The following HSD17B4 variants were observed in gnomAD, a reference collection of about 807,000 sequenced individuals.
HSD17B4 encodes hydroxysteroid 17-beta dehydrogenase 4.
In HSD17B4, 70 loss-of-function variants were observed where a neutral mutation model predicts 101.0. The observed-to-expected ratio is 0.69, with a 90% CI of 0.57 to 0.85. The LOEUF (loss-of-function observed/expected upper bound fraction) is 0.85, where lower values mean the gene tolerates loss of function less well. Among genes scored for constraint, HSD17B4 ranks in the 40% least tolerant of loss-of-function variants. HSD17B4 has a pLI of 0.00. For synonymous variants in HSD17B4, 347 were observed against 297.1 expected, an observed-to-expected ratio of 1.17 and a Z score of -1.73; for missense variants, 984 against 892.4, an observed-to-expected ratio of 1.10 and a Z score of -1.31.
chr5:119,541,519 A>G (rs1360174934), intron 23 of HSD17B4, among the ~76,000 whole-genome samples: 1 of 152,184 alleles, frequency 6.6e-6, no homozygotes, highest in Non-Finnish European at 1.5e-5. Context: ...AAACTGTAGT[A>G]AATATTTTAA....
intron 23 of HSD17B4, 57 bp from the exon 24 acceptor site, chr5:119,541,848 A>T: frequency 3.9e-6 from 4 of 1,037,298 alleles, no homozygotes; most frequent in Admixed American, 1.9e-5. Flanking sequence ...AAAAAAAAAA[A>T]GAAATAAACT....
intron 1 of HSD17B4, among the ~76,000 whole-genome samples, chr5:119,453,204 C>G (rs1477633409): frequency 1.3e-5 from 2 of 152,200 alleles, no homozygotes; most frequent in Admixed American, 6.5e-5. Flanking sequence ...AAGTCACAAT[C>G]TGTTCTCGAA....
At chr5:119,504,764 C>T (rs1230675939) in intron 14 of HSD17B4, among the ~76,000 whole-genome samples, 1 of 151,892 alleles carries the variant, frequency 6.6e-6, no homozygotes, top group African/African-American at 2.4e-5. Flanking sequence ...TTAGGTCCTA[C>T]TTGTTAATCT....
chr5:119,457,469 A>C (rs1372992682), intron 2 of HSD17B4, among the ~76,000 whole-genome samples: 1 of 152,206 alleles, frequency 6.6e-6, no homozygotes, highest in Admixed American at 6.5e-5. Flanking sequence ...TGGAAGGAAC[A>C]CTGACGCTTT....
chr5:119,524,191 G>A (rs565999802), intron 17 of HSD17B4, among the ~76,000 whole-genome samples: 5 of 152,108 alleles, frequency 3.3e-5, no homozygotes, highest in African/African-American at 1.2e-4. Context: ...CATTGGGAAA[G>A]TAAATAATCT....
rs1755030792 is a variant in HSD17B4 at position 119,541,939 on chromosome 5, A to C, written c.2156A>C (p.Asn719Thr). Residue 719 changes from asparagine to threonine, a missense_variant, in exon 24 of 24, where the codon AAC becomes ACC. Transcript: ENST00000510025. ...FFSGRLKARG[N>T]IMLSQKLQMI... ...AGTGGCAGGCTGAAGGCCAGAGGGA[A>C]CATCATGCTGAGCCAGAAACTTCAG... The C allele has an allele frequency of 1.9e-6, 3 of 1,613,282 alleles. No individual in the cohort carries two copies. The highest frequency in any genetic ancestry group is 2.5e-6 in the Non-Finnish European group (3 of 1,179,502).
At chr5:119,485,567 A>T (rs1231065296) in intron 8 of HSD17B4, among the ~76,000 whole-genome samples, 12 of 152,064 alleles carry the variant, frequency 7.9e-5, no homozygotes, top group African/African-American at 2.7e-4. Flanking sequence ...ATAGTTTAGA[A>T]TATCTGAAAA....
At position 119,477,512 on chromosome 5, in the gene HSD17B4, A is replaced by C; in HGVS notation, c.434+11A>C. 6.3e-7 allele frequency: 1 copy of C among 1,592,700 alleles called. No individual in the cohort carries two copies. Among genetic ancestry groups the C allele is most frequent in the Non-Finnish European group, 8.6e-7 (1 of 1,160,628 alleles). On this transcript the variant is annotated intron_variant, in intron 7 of 23. Transcript: ENST00000510025. ...ACAGAAGTATGGAAGGTAGAGTTGC[A>C]TGTGGTTGTCAAGGGGGATTTAAGA...
At chr5:119,533,776 A>G (rs574927465) in intron 22 of HSD17B4, among the ~76,000 whole-genome samples, 6 of 152,246 alleles carry the variant, frequency 3.9e-5, no homozygotes, top group African/African-American at 1.4e-4. Context: ...CGTTGGCTTC[A>G]TTCACCACCT....
At chr5:119,522,051 A>G (rs1446015583) in intron 17 of HSD17B4, among the ~76,000 whole-genome samples, 3 of 151,940 alleles carry the variant, frequency 2.0e-5, no homozygotes, top group Non-Finnish European at 4.4e-5. Context: ...CTCGTCATTT[A>G]CGTTAGGTAT....
chr5:119,526,700 A>T (rs1250761690), intron 19 of HSD17B4, among the ~76,000 whole-genome samples: 1 of 151,976 alleles, frequency 6.6e-6, no homozygotes, highest in Non-Finnish European at 1.5e-5. Context: ...TTATCCAGTA[A>T]TATATACACA....
Position 119,492,147 on chromosome 5 carries a change from T to C in HSD17B4, c.739+23T>C, listed in dbSNP as rs6895345. On this transcript the variant is annotated intron_variant, in intron 10 of 23. Coordinates refer to ENST00000510025, the MANE Select transcript of HSD17B4 (RefSeq NM_000414.4). ...AATGTAAGTCTCTCTCAGTTTTTGG[T>C]TTGTATAGATTATTTCCTTATCTTT... 0.031 allele frequency: 49,321 copies of C among 1,578,892 alleles called. 5,910 individuals carry two copies. In the East Asian group the frequency reaches 0.46, roughly 15 times the overall value.
In HSD17B4 at chr5:119,474,480, T is replaced by C. The variant is rs771426083; in HGVS notation, c.280+20T>C. ...GAATAGGTGATGTTTCTTTGTGTTA[T>C]GGCTCTTGTGGAGCAACTTCTACCT... On this transcript the variant is annotated intron_variant, in intron 4 of 23. Transcript: ENST00000510025. 7.3e-6 allele frequency: 11 copies of C among 1,512,598 alleles called. No homozygotes were observed. The highest frequency in any genetic ancestry group is 1.4e-5 in the African/African-American group (1 of 72,892). The allele number at this position is 1,512,598 out of a possible 1,614,324, so 93.7% of individuals were successfully genotyped here.
chr5:119,484,856 C>T (rs1749473063), intron 8 of HSD17B4, among the ~76,000 whole-genome samples: 1 of 152,086 alleles, frequency 6.6e-6, no homozygotes, highest in East Asian at 1.9e-4. Flanking sequence ...TCCTTGACAG[C>T]AGAGCCATTT....
At chr5:119,502,538 A>T (rs1432348482) in intron 14 of HSD17B4, among the ~76,000 whole-genome samples, 1 of 141,254 alleles carries the variant, frequency 7.1e-6, no homozygotes, top group Non-Finnish European at 1.6e-5. Context: ...ACAAGTCTTT[A>T]ATAATCATTT....
At chr5:119,474,962 A>G (rs1328503443) in intron 4 of HSD17B4, among the ~76,000 whole-genome samples, 1 of 152,192 alleles carries the variant, frequency 6.6e-6, no homozygotes, top group Non-Finnish European at 1.5e-5. Flanking sequence ...TTAGTCCCAC[A>G]CACTCTTAAT....
intron 2 of HSD17B4, among the ~76,000 whole-genome samples, chr5:119,459,850 C>A (rs1385418536): frequency 4.0e-5 from 6 of 151,734 alleles, no homozygotes; most frequent in Non-Finnish European, 7.4e-5. Flanking sequence ...ACAATTCAAT[C>A]ACTTTTTAAA....
chr5:119,530,845 C>CAAAAAAAAAAAAAAAAAAA (rs11423247), intron 21 of HSD17B4, among the ~76,000 whole-genome samples: 4 of 56,346 alleles, frequency 7.1e-5, no homozygotes, highest in Admixed American at 2.3e-4. Context: ...AAGTCTGTCT[C>CAAAAAAAAAAAAAAAAAAA]AAAAAAAAAA....
At chr5:119,474,555 C>A in intron 4 of HSD17B4, 95 bp downstream of exon 4, 1 of 799,882 alleles carries the variant, frequency 1.3e-6, no homozygotes, top group South Asian at 1.4e-5. Context: ...ACAGATACCT[C>A]TTTCCTCATA....
Sources: allele counts gnomAD v4.1 joint callset (sites outside exome capture counted in the v4.1 genomes callset), GRCh38; gene constraint gnomAD v4.1.1; transcripts MANE v1.5; gene names NCBI Gene and HGNC (gene_info 2026-07-23, HGNC 2026-07-21).